CTSC: variants seen among roughly 807,000 people sequenced by gnomAD.
CTSC encodes cathepsin C.
A neutral mutation model predicts 40.9 loss-of-function variants in CTSC; 37 were observed. That is an observed-to-expected ratio of 0.91 (90% CI 0.70 to 1.19). CTSC has a LOEUF of 1.19. CTSC is among the 50% of genes most tolerant of loss of function. The probability of loss-of-function intolerance (pLI) is 0.00; values close to 1 mark genes in which losing one functional copy is unlikely to be tolerated. For missense variants in CTSC, 594 were observed against 567.3 expected, an observed-to-expected ratio of 1.05 and a Z score of -0.48; for synonymous variants, 232 against 207.4, an observed-to-expected ratio of 1.12 and a Z score of -1.02.
chr11:88,299,325 T>A (rs776050261), intron 5 of CTSC: 1 of 152,228 alleles, frequency 6.6e-6, no homozygotes, highest in East Asian at 1.9e-4. Context: ...CATTTCTCAA[T>A]TATCTTCAAA....
At position 88,296,320 on chromosome 11, in the gene CTSC, T is replaced by A. The variant is rs534329158; in HGVS notation, c.758-56A>T. ...GAGACATCTGAAGCCTCACAGAGAA[T>A]CATGCAAAAACCTTAGTGAATCACA... is the stretch of plus-strand genomic sequence containing the variant. On this transcript the variant is annotated intron_variant, in intron 5 of 6. Coordinates refer to ENST00000227266, the MANE Select transcript of CTSC (RefSeq NM_001814.6). The A allele has an allele frequency of 3.1e-6, 5 of 1,608,530 alleles. No homozygotes were observed. In the South Asian group the frequency reaches 4.4e-5, roughly 14 times the overall value.
Position 88,335,157 on chromosome 11 carries a change from A to C in CTSC, c.173-75T>G, listed in dbSNP as rs984713956. 6.9e-6 allele frequency: 7 copies of C among 1,019,624 alleles called. No individual in the cohort carries two copies. In the African/African-American group the frequency reaches 9.6e-5, roughly 14 times the overall value. The allele number at this position is 1,019,624 out of a possible 1,614,324, so 63.2% of individuals were successfully genotyped here. ...ATAGGGGAAAGAATCCCCCAATTTCAATTTTAATTGTGCTGCTTTCCTTTC... is the reference window on the plus strand; with the variant it reads ...ATAGGGGAAAGAATCCCCCAATTTCCATTTTAATTGTGCTGCTTTCCTTTC... On this transcript the variant is annotated intron_variant, in intron 1 of 6. Transcript: ENST00000227266.
Position 88,296,132 on chromosome 11 carries a change from C to G in CTSC, c.889+1G>C. ...AATGGTGTCTGAAATGCAACACTTA[C>G]CTTGAGCATACTGGCTACAAGACAC... On this transcript the variant is annotated splice_donor_variant, in intron 6 of 6. Coordinates refer to ENST00000227266, the MANE Select transcript of CTSC (RefSeq NM_001814.6). LOFTEE classifies it high-confidence loss of function. The G allele has an allele frequency of 6.2e-7, 1 of 1,613,792 alleles. No homozygotes were observed. The highest frequency in any genetic ancestry group is 1.1e-5 in the South Asian group (1 of 91,082).
At chr11:88,331,590 C>T (rs971501053) in intron 2 of CTSC, among the ~76,000 whole-genome samples, 22 of 152,292 alleles carry the variant, frequency 1.4e-4, no homozygotes, top group Admixed American at 1.0e-3. Flanking sequence ...ACATGTTTAG[C>T]GCTTCAGAAT....
At chr11:88,326,263 CA>C in intron 2 of CTSC, 1 of 1,557,664 alleles carries the variant, frequency 6.4e-7, no homozygotes, top group Non-Finnish European at 8.7e-7. Context: ...GGTAGGTCAC[CA>C]GGACTCCTTT....
At chr11:88,320,405 G>T (rs958490812) in intron 2 of CTSC, among the ~76,000 whole-genome samples, 1 of 152,078 alleles carries the variant, frequency 6.6e-6, no homozygotes, top group African/African-American at 2.4e-5. Flanking sequence ...AACTCAAACC[G>T]TAAAGTTGGA....
At chr11:88,327,433 GTC>G (rs1938222875) in intron 2 of CTSC, among the ~76,000 whole-genome samples, 1 of 152,050 alleles carries the variant, frequency 6.6e-6, no homozygotes, top group South Asian at 2.1e-4. Context: ...GGAAGGGTAA[GTC>G]TCTATTAATT....
intron 3 of CTSC, 132 bp from the exon 4 acceptor site, chr11:88,309,450 A>T: frequency 1.3e-6 from 1 of 793,412 alleles, no homozygotes; most frequent in Non-Finnish European, 2.2e-6. Flanking sequence ...GGCAATATGT[A>T]TCAATAGCCT....
chr11:88,335,396 C>T (rs1410180161), intron 1 of CTSC, among the ~76,000 whole-genome samples: 4 of 151,944 alleles, frequency 2.6e-5, no homozygotes, highest in Non-Finnish European at 5.9e-5. Context: ...ATAGTGAGAC[C>T]CTGTCTCTAC....
intron 2 of CTSC, among the ~76,000 whole-genome samples, chr11:88,332,516 T>C (rs2134823311): frequency 1.3e-5 from 2 of 152,368 alleles, no homozygotes; most frequent in South Asian, 4.1e-4. Context: ...CTTAAGTTTT[T>C]AAACTCTGTT....
intron 2 of CTSC, among the ~76,000 whole-genome samples, chr11:88,331,353 C>T (rs1420138235): frequency 1.3e-5 from 2 of 152,156 alleles, no homozygotes; most frequent in African/African-American, 4.8e-5. Context: ...CCCATAACCC[C>T]CTCTTTGGGT....
chr11:88,334,956 T>C lies in CTSC; in HGVS notation c.299A>G (p.Lys100Arg), dbSNP rs779944464. ...ACTAACCTTAAAAAAGGCAAACCAC[T>C]TGTAGTCATTCAACACAATCTCAAA... Reference protein sequence around the residue: ...QGFEIVLNDYKWFAFFKYKEE... With the variant: ...QGFEIVLNDYRWFAFFKYKEE... Residue 100 changes from lysine to arginine, a missense_variant, in exon 2 of 7, where the codon AAG becomes AGG. Transcript: ENST00000227266. 7.4e-6 allele frequency: 12 copies of C among 1,612,846 alleles called. No homozygotes were observed. The highest frequency in any genetic ancestry group is 1.7e-5 in the Admixed American group (1 of 60,000).
intron 6 of CTSC, 90 bp from the exon 7 acceptor site, chr11:88,294,598 C>A: frequency 7.0e-7 from 1 of 1,419,962 alleles, no homozygotes; most frequent in Non-Finnish European, 9.8e-7. Context: ...TTATTCTTTG[C>A]ATGTTACCCC....
intron 2 of CTSC, among the ~76,000 whole-genome samples, chr11:88,330,640 G>A (rs1938326244): frequency 6.6e-6 from 1 of 152,062 alleles, no homozygotes; most frequent in Non-Finnish European, 1.5e-5. Flanking sequence ...GAGTCACCGT[G>A]CCTGGCTGAA....
chr11:88,327,395 G>C (rs1938221883), intron 2 of CTSC, among the ~76,000 whole-genome samples: 2 of 152,218 alleles, frequency 1.3e-5, no homozygotes, highest in African/African-American at 4.8e-5. Context: ...GGAAGGAAAA[G>C]GGGAAAGAAT....
At chr11:88,307,837 C>T (rs1319100686) in intron 4 of CTSC, among the ~76,000 whole-genome samples, 5 of 152,178 alleles carry the variant, frequency 3.3e-5, no homozygotes, top group South Asian at 2.1e-4. Context: ...AACACAGTCT[C>T]GTAATCACCC....
At position 88,335,105 on chromosome 11, in the gene CTSC, C is replaced by T. The variant is rs758371611; in HGVS notation, c.173-23G>A. 4.1e-6 allele frequency: 6 copies of T among 1,477,428 alleles called. No homozygotes were observed. In the East Asian group the frequency reaches 1.4e-4, roughly 33 times the overall value. 91.5% of individuals were successfully genotyped at this position (1,477,428 alleles called of 1,614,324 possible). Reference sequence around the variant, plus strand: ...GTCCTAAAGAAAAAAAAAAAAAGCACAATAAAGGAAAATTATTTGGATTTC... The same window carrying T: ...GTCCTAAAGAAAAAAAAAAAAAGCATAATAAAGGAAAATTATTTGGATTTC... On this transcript the variant is annotated intron_variant, in intron 1 of 6. Transcript: ENST00000227266.
chr11:88,309,409 G>T, intron 3 of CTSC, 91 bp from the exon 4 acceptor site: 1 of 1,101,164 alleles, frequency 9.1e-7, no homozygotes, highest in Non-Finnish European at 1.4e-6. Flanking sequence ...TGCCTAAGTG[G>T]AAAGTGGTAC....
chr11:88,329,396 C>T (rs533642225), intron 2 of CTSC, among the ~76,000 whole-genome samples: 29 of 133,764 alleles, frequency 2.2e-4, no homozygotes, highest in African/African-American at 6.7e-4. Flanking sequence ...GAAGGACAAT[C>T]TCTTAAACCC....
Sources: allele counts gnomAD v4.1 joint callset (sites outside exome capture counted in the v4.1 genomes callset), GRCh38; gene constraint gnomAD v4.1.1; transcripts MANE v1.5; gene names NCBI Gene and HGNC (gene_info 2026-07-23, HGNC 2026-07-21).